LDB2: variants seen among roughly 807,000 people sequenced by gnomAD.
The protein encoded by LDB2 is LIM domain-binding protein 2.
LDB2 carries 12 observed loss-of-function variants against 44.3 expected under a neutral mutation model. The ratio of observed to expected loss-of-function variants is 0.27; its 90% CI spans 0.17 to 0.44. The LOEUF is 0.44. Among genes scored for constraint, LDB2 ranks in the 20% least tolerant of loss-of-function variants. The probability of loss-of-function intolerance (pLI) is 1.00; values close to 1 mark genes in which losing one functional copy is unlikely to be tolerated. For synonymous variants in LDB2, 164 were observed against 174.8 expected (o/e 0.94, Z 0.49); for missense variants, 344 against 473.5 (o/e 0.73, Z 2.54).
At chr4:16,744,578 T>TG in intron 2 of LDB2, among the ~76,000 whole-genome samples, 1 of 150,364 alleles carries the variant, frequency 6.7e-6, no homozygotes, top group East Asian at 2.0e-4. Context: ...GGGTTCACAC[T>TG]ATTCTCCTGC....
chr4:16,633,220 A>G lies in LDB2; in HGVS notation c.236-37345T>C, dbSNP rs531898294. ...CCAAACACTCCATGTTCTCACTCATAGGTGGGAATTGAACAATGAGAACAC... is the reference window on the plus strand; with the variant it reads ...CCAAACACTCCATGTTCTCACTCATGGGTGGGAATTGAACAATGAGAACAC... On this transcript the variant is annotated intron_variant, in intron 2 of 7. Transcript: ENST00000304523. Among the ~76,000 whole-genome samples, 219 of 152,270 alleles carry G rather than the reference A, an allele frequency of 1.4e-3. 2 individuals are homozygous for G. The highest frequency in any genetic ancestry group is 0.013 in the South Asian group (65 of 4,824).
chr4:16,734,320 A>T (rs1387536952), intron 2 of LDB2, among the ~76,000 whole-genome samples: 1 of 152,242 alleles, frequency 6.6e-6, no homozygotes, highest in East Asian at 1.9e-4. Context: ...TTGATTAAGT[A>T]AATGAGCAAA....
intron 2 of LDB2, among the ~76,000 whole-genome samples, chr4:16,731,123 A>C (rs1310819201): frequency 1.3e-5 from 2 of 152,170 alleles, no homozygotes; most frequent in Non-Finnish European, 2.9e-5. Flanking sequence ...CATAGGAGAA[A>C]GAAGGAGTCG....
intron 5 of LDB2, among the ~76,000 whole-genome samples, chr4:16,535,800 T>C (rs1486072895): frequency 6.6e-6 from 1 of 152,234 alleles, no homozygotes; most frequent in African/African-American, 2.4e-5. Flanking sequence ...GTTTTATTAT[T>C]ATCACCATAT....
rs367892909 is a variant in LDB2 at position 16,582,146 on chromosome 4, C to T, written c.615+3776G>A. On this transcript the variant is annotated intron_variant, in intron 5 of 7. Transcript: ENST00000304523. The surrounding 1 kb of genome is among the most constrained non-coding windows in gnomAD (Gnocchi z 4.8). ...AGCTAGTGCTATGTTTCTCACTGCA[C>T]CTGGGAGCAATTTCTCTCCAAGAGT... Among the ~76,000 whole-genome samples, 110 of 152,290 alleles carry T rather than the reference C, an allele frequency of 7.2e-4. No individual in the cohort carries two copies. The highest frequency in any genetic ancestry group is 2.4e-3 in the African/African-American group (101 of 41,554).
chr4:16,847,192 T>C lies in LDB2; in HGVS notation c.132+51162A>G, dbSNP rs541690664. On this transcript the variant is annotated intron_variant, in intron 1 of 7. Coordinates refer to ENST00000304523, the MANE Select transcript of LDB2 (RefSeq NM_001290.5). Reference sequence around the variant, plus strand: ...ATAACATGTAGAAAAATATTTATGCTCACTAGTAAGCCACAAAATACAAAT... The same window carrying C: ...ATAACATGTAGAAAAATATTTATGCCCACTAGTAAGCCACAAAATACAAAT... Among the ~76,000 whole-genome samples, 3 of 152,356 alleles carry C rather than the reference T, an allele frequency of 2.0e-5. No homozygotes were observed. The South Asian group carries it at 6.2e-4, about 32-fold the overall frequency.
At chr4:16,554,827 G>T (rs1407699595) in intron 5 of LDB2, among the ~76,000 whole-genome samples, 1 of 152,284 alleles carries the variant, frequency 6.6e-6, no homozygotes, top group Middle Eastern at 3.4e-3. Context: ...TGCTCTCTAT[G>T]ATACCACAAT....
At chr4:16,637,947 C>G (rs1339756009) in intron 2 of LDB2, among the ~76,000 whole-genome samples, 1 of 152,200 alleles carries the variant, frequency 6.6e-6, no homozygotes, top group Non-Finnish European at 1.5e-5. Context: ...TGCCACTTGC[C>G]AGCAGGACAG....
At chr4:16,518,464 C>G (rs767838145) in intron 5 of LDB2, among the ~76,000 whole-genome samples, 1 of 151,356 alleles carries the variant, frequency 6.6e-6, no homozygotes, top group Non-Finnish European at 1.5e-5. Context: ...CAACGCGTTG[C>G]TCAGACCTTT....
intron 2 of LDB2, among the ~76,000 whole-genome samples, chr4:16,718,461 A>C (rs1757548805): frequency 6.6e-6 from 1 of 152,094 alleles, no homozygotes; most frequent in South Asian, 2.1e-4. Context: ...ATTTCTGATG[A>C]CTTTTACTCT....
intron 2 of LDB2, among the ~76,000 whole-genome samples, chr4:16,609,054 T>A (rs1165038952): frequency 6.6e-6 from 1 of 152,132 alleles, no homozygotes; most frequent in Admixed American, 6.5e-5. Context: ...GGTATCCATG[T>A]TCTCTCATCA....
At chr4:16,799,815 T>C (rs1297432881) in intron 1 of LDB2, among the ~76,000 whole-genome samples, 3 of 152,214 alleles carry the variant, frequency 2.0e-5, no homozygotes, top group Admixed American at 6.5e-5. Context: ...AAAAAACTTA[T>C]AATACTTTTC....
intron 1 of LDB2, among the ~76,000 whole-genome samples, chr4:16,763,439 T>TACACAAACACACACAC (rs1768421995): frequency 7.1e-6 from 1 of 141,092 alleles, no homozygotes. Flanking sequence ...TGTAAACACG[T>TACACAAACACACACAC]ACACACACAC....
At chr4:16,573,078 C>A (rs549900286) in intron 5 of LDB2, among the ~76,000 whole-genome samples, 12 of 152,224 alleles carry the variant, frequency 7.9e-5, no homozygotes, top group Non-Finnish European at 2.9e-5. Flanking sequence ...CTTCTAAGAA[C>A]AAGCCAGGCC....
At chr4:16,791,117 C>T (rs1488017959) in intron 1 of LDB2, among the ~76,000 whole-genome samples, 1 of 152,194 alleles carries the variant, frequency 6.6e-6, no homozygotes, top group Non-Finnish European at 1.5e-5. Flanking sequence ...CACACTCCTG[C>T]AACAGCTAAG....
chr4:16,658,688 G>A (rs146005205), intron 2 of LDB2, among the ~76,000 whole-genome samples: 175 of 152,292 alleles, frequency 1.1e-3, no homozygotes, highest in African/African-American at 3.9e-3. Flanking sequence ...AGGGTGGTCC[G>A]ATTGTGACCT....
intron 2 of LDB2, among the ~76,000 whole-genome samples, chr4:16,727,330 G>A (rs1031376958): frequency 3.3e-5 from 5 of 152,198 alleles, no homozygotes; most frequent in African/African-American, 1.2e-4. Context: ...CAAACGAAAA[G>A]GCTGGTGTCC....
At chr4:16,780,587 C>T (rs1268055697) in intron 1 of LDB2, among the ~76,000 whole-genome samples, 1 of 152,112 alleles carries the variant, frequency 6.6e-6, no homozygotes, top group Non-Finnish European at 1.5e-5. Context: ...ATTAAGGTTA[C>T]TTGAAGAATG....
intron 5 of LDB2, among the ~76,000 whole-genome samples, chr4:16,547,312 G>A (rs564628695): frequency 6.6e-6 from 1 of 152,202 alleles, no homozygotes. Context: ...CGCAGCCATT[G>A]TGACACCTTG....
Sources: allele counts gnomAD v4.1 joint callset (sites outside exome capture counted in the v4.1 genomes callset), GRCh38; gene constraint gnomAD v4.1.1; non-coding constraint Gnocchi (gnomAD v3.1); transcripts MANE v1.5; gene names NCBI Gene and HGNC (gene_info 2026-07-23, HGNC 2026-07-21).